Variants in ANKFN1 observed in about 807,000 individuals in gnomAD.
The protein encoded by ANKFN1 is ankyrin repeat and fibronectin type III domain containing 1, also known as ankyrin repeat and fibronectin type-III domain-containing protein 1.
ANKFN1 carries 74 observed loss-of-function variants against 108.7 expected under a neutral mutation model. That is an observed-to-expected ratio of 0.68 (90% CI 0.56 to 0.83). The LOEUF (loss-of-function observed/expected upper bound fraction) is 0.83, where lower values mean the gene tolerates loss of function less well. ANKFN1 is among the 40% of genes least tolerant of loss of function. The pLI is 0.00. For missense variants in ANKFN1, 1,505 were observed against 1,382.3 expected (o/e 1.09, Z -1.41); for synonymous variants, 547 against 516.2 (o/e 1.06, Z -0.81).
At chr17:56,453,872 T>C (rs2049582869) in intron 11 of ANKFN1, among the ~76,000 whole-genome samples, 1 of 152,128 alleles carries the variant, frequency 6.6e-6, no homozygotes, top group Non-Finnish European at 1.5e-5. Flanking sequence ...TCATTCTAAT[T>C]CCAGAGGTTC....
At chr17:56,467,775 GAAAGAAAGAAAGAAAGAAGA>G (rs1568025998) in intron 15 of ANKFN1, among the ~76,000 whole-genome samples, 9 of 16,716 alleles carry the variant, frequency 5.4e-4, no homozygotes, top group Admixed American at 1.1e-3. Flanking sequence ...AAGAAAGAAA[GAAAGAAAGAAAGAAAGAAGA>G]AAGAAAGAAA....
At chr17:56,145,607 A>G (rs1468337792) in intron 4 of ANKFN1, among the ~76,000 whole-genome samples, 2 of 152,106 alleles carry the variant, frequency 1.3e-5, no homozygotes, top group Non-Finnish European at 2.9e-5. Flanking sequence ...TGATTCAATT[A>G]CCTCCACCTC....
intron 3 of ANKFN1, among the ~76,000 whole-genome samples, chr17:56,316,939 C>T (rs1313365676): frequency 6.6e-6 from 1 of 152,182 alleles, no homozygotes; most frequent in African/African-American, 2.4e-5. Context: ...TGAGGCACAT[C>T]TACATTAGTT....
intron 11 of ANKFN1, among the ~76,000 whole-genome samples, chr17:56,455,979 A>G (rs1016493581): frequency 2.0e-5 from 3 of 152,228 alleles, no homozygotes; most frequent in South Asian, 2.1e-4. Flanking sequence ...ACCAACATAC[A>G]CAATGAAGAA....
At chr17:56,329,883 T>A (rs897718600) in intron 4 of ANKFN1, among the ~76,000 whole-genome samples, 2 of 152,140 alleles carry the variant, frequency 1.3e-5, no homozygotes, top group Non-Finnish European at 2.9e-5. Flanking sequence ...ACTAGTTCCT[T>A]CCGCCATGTG....
At chr17:56,258,400 A>G (rs1289678728) in intron 3 of ANKFN1, 2 of 152,268 alleles carry the variant, frequency 1.3e-5, no homozygotes, top group Non-Finnish European at 2.9e-5. Context: ...AATTATGTCA[A>G]TTTTGCTTTC....
At chr17:56,205,519 T>C (rs1914459421) in intron 1 of ANKFN1, among the ~76,000 whole-genome samples, 1 of 152,258 alleles carries the variant, frequency 6.6e-6, no homozygotes, top group Non-Finnish European at 1.5e-5. Flanking sequence ...CCTAAACTTA[T>C]TCTACTCAAC....
At chr17:56,199,250 G>A (rs1182720334) in intron 1 of ANKFN1, among the ~76,000 whole-genome samples, 2 of 131,928 alleles carry the variant, frequency 1.5e-5, no homozygotes, top group Non-Finnish European at 3.1e-5. Flanking sequence ...ACGTTTTCTA[G>A]CTCGTTATTG....
chr17:56,058,680 C>T (rs1290998776), intron 4 of ANKFN1, among the ~76,000 whole-genome samples: 1 of 152,028 alleles, frequency 6.6e-6, no homozygotes, highest in Admixed American at 6.6e-5. Flanking sequence ...TGAAACCATA[C>T]AGTGTTTGGT....
At chr17:56,384,874 T>C (rs201290106) in intron 8 of ANKFN1, among the ~76,000 whole-genome samples, 111,163 of 149,144 alleles carry the variant, frequency 0.75, 41,562 homozygotes, top group East Asian at 0.96. Flanking sequence ...GAATCAATAT[T>C]GTGAAAATGG....
intron 18 of ANKFN1, among the ~76,000 whole-genome samples, chr17:56,490,798 G>A (rs1900608379): frequency 6.6e-6 from 1 of 152,026 alleles, no homozygotes; most frequent in South Asian, 2.1e-4. Context: ...CCTGAGTTGA[G>A]AAAAACCTCC....
intron 10 of ANKFN1, among the ~76,000 whole-genome samples, chr17:56,447,086 G>T (rs1204122970): frequency 1.3e-5 from 2 of 152,110 alleles, no homozygotes; most frequent in Non-Finnish European, 2.9e-5. Flanking sequence ...AACCAGGCCT[G>T]CTGGCACACA....
At chr17:56,188,581 G>GTGTGTA (rs1212242378) in intron 1 of ANKFN1, among the ~76,000 whole-genome samples, 57 of 49,642 alleles carry the variant, frequency 1.1e-3, no homozygotes, top group Admixed American at 2.5e-3. Flanking sequence ...GTGTGTGTGT[G>GTGTGTA]TATATATATA....
At chr17:56,147,386 G>C (rs112483950) in intron 4 of ANKFN1, among the ~76,000 whole-genome samples, 3,704 of 152,026 alleles carry the variant, frequency 0.024, 134 homozygotes, top group African/African-American at 0.084. Flanking sequence ...AGAACTGCCT[G>C]AGACTGGGTA....
chr17:56,169,283 T>A (rs1350094241), intron 1 of ANKFN1, among the ~76,000 whole-genome samples: 3 of 152,110 alleles, frequency 2.0e-5, no homozygotes, highest in South Asian at 2.1e-4. Context: ...CATTATTATT[T>A]TTTTTTTCAG....
At chr17:56,446,997 T>C (rs1598623962) in intron 10 of ANKFN1, among the ~76,000 whole-genome samples, 1 of 151,874 alleles carries the variant, frequency 6.6e-6, no homozygotes. Context: ...CCAAGGCAGG[T>C]GGATCACTTG....
rs1204052632 is a variant in ANKFN1, at chr17:56,470,756, C to A, written c.1773+4185C>A. On this transcript the variant is annotated intron_variant, in intron 15 of 20. Transcript: ENST00000682825. ...GTGTCCAACTCCCTCAAATTCCTGA[C>A]CTTCTCAAATCCCAGGCCTTCAAAA... Among the ~76,000 whole-genome samples the A allele has an allele frequency of 2.0e-5, 3 of 152,178 alleles. No individual in the cohort carries two copies. The East Asian group carries it at 5.8e-4, about 29-fold the overall frequency.
intron 4 of ANKFN1, among the ~76,000 whole-genome samples, chr17:56,127,522 C>T (rs1242821090): frequency 6.6e-6 from 1 of 152,094 alleles, no homozygotes; most frequent in African/African-American, 2.4e-5. Flanking sequence ...CCATGTTGGT[C>T]AGGCTGGTCT....
chr17:56,083,645 T>C (rs1322541261), intron 4 of ANKFN1, among the ~76,000 whole-genome samples: 1 of 151,328 alleles, frequency 6.6e-6, no homozygotes, highest in Non-Finnish European at 1.5e-5. Context: ...TAGATGCCCA[T>C]GTTCTGACTT....
Sources: allele counts gnomAD v4.1 joint callset (sites outside exome capture counted in the v4.1 genomes callset), GRCh38; gene constraint gnomAD v4.1.1; transcripts MANE v1.5; gene names NCBI Gene and HGNC (gene_info 2026-07-23, HGNC 2026-07-21).